The following SLC46A1 variants were observed in gnomAD, a reference collection of about 807,000 sequenced individuals.
SLC46A1 encodes proton-coupled folate transporter.
A neutral mutation model predicts 32.1 loss-of-function variants in SLC46A1; 17 were observed. The observed-to-expected ratio is 0.53, with a 90% confidence interval of 0.36 to 0.79. The LOEUF is 0.79. Among genes scored for constraint, SLC46A1 ranks in the 30% least tolerant of loss-of-function variants. The probability of loss-of-function intolerance (pLI) is 0.00; values close to 1 mark genes in which losing one functional copy is unlikely to be tolerated. For missense variants in SLC46A1, 517 were observed against 588.2 expected (o/e 0.88, Z 1.25); for synonymous variants, 240 against 262.7 (o/e 0.91, Z 0.84).
chr17:28,395,733 T>G lies in SLC46A1; in HGVS notation c.*3923A>C. 3 of 647,228 alleles carry G rather than the reference T, an allele frequency of 4.6e-6. No individual in the cohort carries two copies. The highest frequency in any genetic ancestry group is 2.6e-6 in the Non-Finnish European group (1 of 381,492). The allele number at this position is 647,228 out of a possible 1,614,324, so 40.1% of individuals were successfully genotyped here. On this transcript the variant is annotated 3_prime_UTR_variant, in exon 5 of 5. Coordinates refer to ENST00000612814, the MANE Select transcript of SLC46A1 (RefSeq NM_080669.6). Reference sequence around the variant, plus strand: ...CCAGGAACTCTGGGCAAAGGAAAAATATTTATTTTTTATTACACTACAAGG... The same window carrying G: ...CCAGGAACTCTGGGCAAAGGAAAAAGATTTATTTTTTATTACACTACAAGG...
intron 1 of SLC46A1, 134 bp downstream of exon 1, chr17:28,405,753 G>A: frequency 2.7e-6 from 3 of 1,108,044 alleles, no homozygotes; most frequent in Non-Finnish European, 2.5e-6. Context: ...CCTTTGCTCT[G>A]GTCCCGCCCA....
intron 1 of SLC46A1, 24 bp from the exon 2 acceptor site, chr17:28,405,492 T>A: frequency 1.9e-6 from 3 of 1,591,176 alleles, no homozygotes; most frequent in Non-Finnish European, 2.6e-6. Flanking sequence ...ATGACCAGGG[T>A]GCGGTTCCTC....
chr17:28,405,819 G>C, intron 1 of SLC46A1, 68 bp downstream of exon 1: 2 of 1,462,174 alleles, frequency 1.4e-6, no homozygotes, highest in East Asian at 2.5e-5. Flanking sequence ...CGCAGGCCCC[G>C]CCCCTCCGCT....
At chr17:28,402,430 C>A in intron 2 of SLC46A1, 109 bp from the exon 3 acceptor site, 1 of 865,488 alleles carries the variant, frequency 1.2e-6, no homozygotes, top group Non-Finnish European at 1.8e-6. Context: ...AGGTTAGACC[C>A]AGGAAGAACT....
intron 4 of SLC46A1, chr17:28,399,955 A>T (rs2068176361): frequency 2.0e-6 from 1 of 509,870 alleles, no homozygotes; most frequent in African/African-American, 1.9e-5. Flanking sequence ...GGGCAGTGAC[A>T]TAATCATAGC....
intron 2 of SLC46A1, chr17:28,403,017 A>G (rs1421389887): frequency 5.9e-5 from 9 of 152,378 alleles, no homozygotes; most frequent in African/African-American, 1.9e-4. Context: ...AGGAGAGTCA[A>G]TGTGAGCACA....
At chr17:28,405,648 C>T (rs1567819400) in intron 1 of SLC46A1, 180 bp from the exon 2 acceptor site, 1 of 1,015,798 alleles carries the variant, frequency 9.8e-7, no homozygotes, top group Non-Finnish European at 1.4e-6. Context: ...ACCAAGGCCC[C>T]ATTCCCTTTC....
rs2068114875 is a variant in SLC46A1, at chr17:28,395,854, G to A, written c.*3802C>T. On this transcript the variant is annotated 3_prime_UTR_variant, in exon 5 of 5. Transcript: ENST00000612814. ...CTCCCAGCACCTGCCTGGCTACAAG[G>A]GTCCCTAGATGGGTACAGGGGTATC... 1 of 1,605,376 alleles carries A rather than the reference G, an allele frequency of 6.2e-7. No individual in the cohort carries two copies. The highest frequency in any genetic ancestry group is 1.1e-5 in the South Asian group (1 of 90,910).
At chr17:28,402,137 G>T (rs41297101) in intron 3 of SLC46A1, 101 bp downstream of exon 3, 5 of 979,732 alleles carry the variant, frequency 5.1e-6, no homozygotes, top group Non-Finnish European at 7.5e-6. Flanking sequence ...CAGGGTGAGA[G>T]GGGGGAAGGC....
At chr17:28,403,811 A>G (rs2068223549) in intron 2 of SLC46A1, 1 of 152,246 alleles carries the variant, frequency 6.6e-6, no homozygotes, top group Non-Finnish European at 1.5e-5. Flanking sequence ...CAGGAGTTAG[A>G]GACCTGGACT....
chr17:28,396,156 G>C lies in SLC46A1; in HGVS notation c.*3500C>G. ...AACCACATTGGCTCCTGTGCCCACA[G>C]GTGGTCCCACGAATACCAGGAGGCC... On this transcript the variant is annotated 3_prime_UTR_variant, in exon 5 of 5. Coordinates refer to ENST00000612814, the MANE Select transcript of SLC46A1 (RefSeq NM_080669.6). The C allele has an allele frequency of 6.2e-7, 1 of 1,613,942 alleles. No homozygotes were observed. The highest frequency in any genetic ancestry group is 8.5e-7 in the Non-Finnish European group (1 of 1,179,864).
chr17:28,400,143 C>T (rs1597830423), intron 4 of SLC46A1: 1 of 234,162 alleles, frequency 4.3e-6, no homozygotes, highest in East Asian at 1.1e-4. Flanking sequence ...GGTCCTCCTG[C>T]CTCAGCCTCC....
Position 28,400,624 on chromosome 17 carries a change from C to T in SLC46A1, c.1308G>A (p.Pro436=), listed in dbSNP as rs374545871. 43 of 1,613,668 alleles carry T rather than the reference C, an allele frequency of 2.7e-5. 1 individual carries two copies. In the African/African-American group the frequency reaches 2.7e-4, roughly 10 times the overall value. ...FLLGAGLLLI[P]AVLIGMLEKA... is the part of the protein sequence containing the mutation. ...CCCTGCATTACCCAATCAGAACAGC[C>T]GGGATGAGCAGGAGGCCAGCTCCCA... The change falls in exon 4 of 5, where the codon CCG becomes CCA. Residue 436 remains proline, a synonymous_variant. Coordinates refer to ENST00000612814, the MANE Select transcript of SLC46A1 (RefSeq NM_080669.6).
chr17:28,404,346 A>G (rs956322130), intron 2 of SLC46A1: 8 of 507,842 alleles, frequency 1.6e-5, no homozygotes, highest in African/African-American at 1.5e-4. Context: ...TATGAGCCAC[A>G]CTTTTGTCTT....
In SLC46A1 at chr17:28,405,178, G is replaced by A; in HGVS notation, c.519C>T (p.Ser173=). ...CCATCCGGAAGGTGCGGCTGCGACT[G>A]GAGCTGACATCTGCCACGGACGCAA... The part of the protein sequence containing the change: ...ASFASVADVS[S]SRSRTFRMAL... The change falls in exon 2 of 5, where the codon TCC becomes TCT. Residue 173 remains serine (S), a synonymous_variant. Transcript: ENST00000612814. The A allele has an allele frequency of 6.2e-7, 1 of 1,608,214 alleles. No individual in the cohort carries two copies. The highest frequency in any genetic ancestry group is 8.5e-7 in the Non-Finnish European group (1 of 1,177,240).
At chr17:28,399,807 T>G in intron 4 of SLC46A1, 94 bp from the exon 5 acceptor site, 2 of 1,303,030 alleles carry the variant, frequency 1.5e-6, no homozygotes, top group Non-Finnish European at 2.2e-6. Flanking sequence ...GGTGGGCTGG[T>G]CCAGGTAGCT....
At chr17:28,401,982 CT>C in intron 3 of SLC46A1, 1 of 368,756 alleles carries the variant, frequency 2.7e-6, no homozygotes, top group Non-Finnish European at 5.0e-6. Context: ...AGTAAATCCT[CT>C]GCTCTGGTTA....
Position 28,406,052 on chromosome 17 carries a change from G to A in SLC46A1, c.63C>T (p.Cys21=). The change falls in exon 1 of 5, where the codon TGC becomes TGT. Residue 21 remains cysteine (C), a synonymous_variant. Coordinates refer to ENST00000612814, the MANE Select transcript of SLC46A1 (RefSeq NM_080669.6). The surrounding 1 kb of genome is among the most constrained non-coding windows in gnomAD (Gnocchi z 4.5). ...PRARPAAAVL[C]RGPVEPLVFL... ...AGACCAGCGGCTCTACCGGGCCCCG[G>A]CACAGCACGGCAGCCGCAGGGCGGG... The A allele has an allele frequency of 1.2e-6, 2 of 1,602,830 alleles. No homozygotes were observed. The highest frequency in any genetic ancestry group is 8.5e-7 in the Non-Finnish European group (1 of 1,176,340).
rs1555587461 is a variant in SLC46A1, at chr17:28,395,043, T to G, written c.*4613A>C. On this transcript the variant is annotated 3_prime_UTR_variant, in exon 5 of 5. Coordinates refer to ENST00000612814, the MANE Select transcript of SLC46A1 (RefSeq NM_080669.6). ...CAGAAAAAAAAAAAATAGGTGGAAG[T>G]TGCAGCTGCATGCCCCATGACTCAG... 6.6e-6 allele frequency: 1 copy of G among 150,878 alleles called. No individual in the cohort carries two copies. Among genetic ancestry groups the G allele is most frequent in the Non-Finnish European group, 1.5e-5 (1 of 67,868 alleles). The allele number at this position is 150,878 out of a possible 1,614,324, so 9.3% of individuals were successfully genotyped here.
Sources: allele counts gnomAD v4.1 joint callset, GRCh38; gene constraint gnomAD v4.1.1; non-coding constraint Gnocchi (gnomAD v3.1); transcripts MANE v1.5; gene names NCBI Gene and HGNC (gene_info 2026-07-23, HGNC 2026-07-21).